Variants in ZNF654 observed in about 807,000 individuals in gnomAD.
ZNF654 encodes zinc finger protein 654.
ZNF654 carries 19 observed loss-of-function variants against 95.3 expected under a neutral mutation model. The observed-to-expected ratio is 0.20, with a 90% CI of 0.14 to 0.29. The LOEUF (loss-of-function observed/expected upper bound fraction) is 0.29, where lower values mean the gene tolerates loss of function less well. Ranked by LOEUF, ZNF654 falls within the 10% of genes least tolerant of loss-of-function variation. ZNF654 has a pLI of 1.00. For synonymous variants in ZNF654, 413 were observed against 457.9 expected, an observed-to-expected ratio of 0.90 and a Z score of 1.25; for missense variants, 1,046 against 1,341.0, an observed-to-expected ratio of 0.78 and a Z score of 3.44.
At chr3:88,122,281 A>G (rs999608851) in intron 3 of ZNF654, among the ~76,000 whole-genome samples, 9 of 152,184 alleles carry the variant, frequency 5.9e-5, no homozygotes, top group Non-Finnish European at 1.2e-4. Flanking sequence ...GCTGAAGAAA[A>G]GAATACATGA....
At chr3:88,061,739 T>G (rs574061645) in intron 1 of ZNF654, among the ~76,000 whole-genome samples, 1 of 152,338 alleles carries the variant, frequency 6.6e-6, no homozygotes, top group African/African-American at 2.4e-5. Context: ...TAATTCCTAG[T>G]CGAAGATTTC....
Position 88,059,325 on chromosome 3 carries a change from G to T in ZNF654, c.6G>T (p.Ala2=). The T allele has an allele frequency of 6.5e-7, 1 of 1,534,210 alleles. No individual in the cohort carries two copies. The highest frequency in any genetic ancestry group is 1.9e-4 in the Middle Eastern group (1 of 5,154). The stretch of plus-strand genomic sequence containing the variant: ...CGCTGGGCGGCGAGAGCCTCATGGC[G>T]GAGGAAGAGAGCGACCAAGAGGCCG... The part of the protein sequence containing the change: M[A]EEESDQEAER... Residue 2 remains alanine, a synonymous_variant, in exon 1 of 9, where the codon GCG becomes GCT. Transcript: ENST00000636215.
chr3:88,061,838 C>T (rs1294946399), intron 1 of ZNF654, among the ~76,000 whole-genome samples: 1 of 152,112 alleles, frequency 6.6e-6, no homozygotes, highest in Non-Finnish European at 1.5e-5. Context: ...GTGAGTAATG[C>T]AATGGATATT....
intron 7 of ZNF654, among the ~76,000 whole-genome samples, chr3:88,137,194 C>CA (rs11401199): frequency 0.8 from 56,876 of 70,958 alleles, 23,872 homozygotes; most frequent in South Asian, 0.89. Context: ...GACTCTGTCT[C>CA]AAAAAAAAAA....
At chr3:88,105,305 A>G (rs955645486) in intron 2 of ZNF654, among the ~76,000 whole-genome samples, 6 of 152,054 alleles carry the variant, frequency 3.9e-5, no homozygotes, top group East Asian at 1.9e-4. Flanking sequence ...ACTTAGTATT[A>G]TATCTTGGAG....
chr3:88,134,296 A>C (rs1706640629), intron 6 of ZNF654, among the ~76,000 whole-genome samples: 1 of 152,140 alleles, frequency 6.6e-6, no homozygotes, highest in Non-Finnish European at 1.5e-5. Context: ...GCTGAGTTCA[A>C]AGTATATGCT....
chr3:88,091,941 A>G lies in ZNF654; in HGVS notation c.332+5539A>G, dbSNP rs116319610. Reference sequence around the variant, plus strand: ...CTTCATAGCAGTATGAAAATGGACTAAAACACTAGCTTTTCTACTACTGCC... The same window carrying G: ...CTTCATAGCAGTATGAAAATGGACTGAAACACTAGCTTTTCTACTACTGCC... On this transcript the variant is annotated intron_variant, in intron 2 of 8. Coordinates refer to ENST00000636215, the MANE Select transcript of ZNF654 (RefSeq NM_001350134.2). Among the ~76,000 whole-genome samples the G allele has an allele frequency of 2.6e-3, 401 of 152,338 alleles. 1 individual carries two copies. The highest frequency in any genetic ancestry group is 9.4e-3 in the African/African-American group (390 of 41,576).
intron 2 of ZNF654, among the ~76,000 whole-genome samples, chr3:88,109,962 T>G (rs1704989558): frequency 6.6e-6 from 1 of 152,148 alleles, no homozygotes; most frequent in South Asian, 2.1e-4. Flanking sequence ...AATTTAAGAA[T>G]AATTAGCCTG....
chr3:88,123,805 C>A (rs1197077729), intron 3 of ZNF654, among the ~76,000 whole-genome samples: 1 of 152,120 alleles, frequency 6.6e-6, no homozygotes, highest in African/African-American at 2.4e-5. Context: ...GTCCAACTTA[C>A]CTTATTTCTC....
intron 2 of ZNF654, among the ~76,000 whole-genome samples, chr3:88,100,076 C>T (rs1473946799): frequency 2.6e-5 from 4 of 152,172 alleles, no homozygotes; most frequent in African/African-American, 9.7e-5. Flanking sequence ...ATCTACCCAT[C>T]TGACAAAGGG....
At chr3:88,132,089 A>G (rs1039206892) in intron 6 of ZNF654, among the ~76,000 whole-genome samples, 7 of 152,156 alleles carry the variant, frequency 4.6e-5, no homozygotes, top group Admixed American at 6.6e-5. Flanking sequence ...ATTTAACCCA[A>G]CAAGCTTATG....
At chr3:88,129,088 T>C in intron 5 of ZNF654, 77 bp downstream of exon 5, 1 of 1,068,260 alleles carries the variant, frequency 9.4e-7, no homozygotes, top group Non-Finnish European at 1.3e-6. Context: ...AGTAGCCCAC[T>C]GTTGTTGTTA....
intron 7 of ZNF654, among the ~76,000 whole-genome samples, chr3:88,135,852 A>G (rs1386373231): frequency 6.6e-6 from 1 of 152,120 alleles, no homozygotes; most frequent in Non-Finnish European, 1.5e-5. Flanking sequence ...TTTACATTTT[A>G]GGTAGCACCA....
intron 1 of ZNF654, among the ~76,000 whole-genome samples, chr3:88,068,508 G>C (rs576400196): frequency 1.3e-5 from 2 of 152,226 alleles, no homozygotes; most frequent in Admixed American, 1.3e-4. Context: ...TCTACAACTA[G>C]AGTTTATTGA....
chr3:88,140,552 T>C lies in ZNF654; in HGVS notation c.2883T>C (p.Pro961=). The stretch of plus-strand genomic sequence containing the variant: ...TAAGCTTGATAGACCAAAAGATGCC[T>C]GACATAGAGCCAAATTCTGAAAATA... ...SNISLIDQKM[P]DIEPNSENNC... Residue 961 remains proline, a synonymous_variant, in exon 8 of 9, where the codon CCT becomes CCC. Coordinates refer to ENST00000636215, the MANE Select transcript of ZNF654 (RefSeq NM_001350134.2). 1 of 1,613,736 alleles carries C rather than the reference T, an allele frequency of 6.2e-7. No individual in the cohort carries two copies. The highest frequency in any genetic ancestry group is 8.5e-7 in the Non-Finnish European group (1 of 1,179,738).
At chr3:88,082,659 A>G (rs1708140813) in intron 1 of ZNF654, among the ~76,000 whole-genome samples, 1 of 152,204 alleles carries the variant, frequency 6.6e-6, no homozygotes, top group Non-Finnish European at 1.5e-5. Context: ...GGGTTTAGAT[A>G]TGAAGATCAT....
intron 1 of ZNF654, among the ~76,000 whole-genome samples, chr3:88,082,646 T>C (rs1436815849): frequency 6.6e-6 from 1 of 152,166 alleles, no homozygotes; most frequent in Non-Finnish European, 1.5e-5. Context: ...AGTCTGTTAA[T>C]AGGGGTTTAG....
chr3:88,131,097 A>T lies in ZNF654; in HGVS notation c.893+1271A>T, dbSNP rs146386620. On this transcript the variant is annotated intron_variant, in intron 6 of 8. Coordinates refer to ENST00000636215, the MANE Select transcript of ZNF654 (RefSeq NM_001350134.2). Reference sequence around the variant, plus strand: ...ACCTAGATGGTATATCCTACTGCACATCTGGGCTATATGATGTAGCCTGTT... The same window carrying T: ...ACCTAGATGGTATATCCTACTGCACTTCTGGGCTATATGATGTAGCCTGTT... 2.3e-3 allele frequency among the ~76,000 whole-genome samples: 356 copies of T among 152,302 alleles called. 2 individuals are homozygous for T. Among genetic ancestry groups the T allele is most frequent in the African/African-American group, 7.9e-3 (328 of 41,570 alleles).
chr3:88,137,102 G>A (rs1706834970), intron 7 of ZNF654, among the ~76,000 whole-genome samples: 1 of 150,088 alleles, frequency 6.7e-6, no homozygotes, highest in Non-Finnish European at 1.5e-5. Context: ...GGCTGAGGCA[G>A]GAGAATTGCT....
Sources: gnomAD v4.1 joint callset for allele counts (sites outside exome capture counted in the v4.1 genomes callset) on GRCh38, gnomAD v4.1.1 for gene constraint, MANE v1.5 for transcripts, NCBI Gene and HGNC (gene_info 2026-07-23, HGNC 2026-07-21) for gene names.